The following L3MBTL4 variants were observed in gnomAD, a reference collection of about 807,000 sequenced individuals.
L3MBTL4 encodes the protein L3MBTL histone methyl-lysine binding protein 4.
A neutral mutation model predicts 84.5 loss-of-function variants in L3MBTL4; 70 were observed. The observed-to-expected ratio is 0.83, with a 90% CI of 0.68 to 1.01. The LOEUF is 1.01. L3MBTL4 is among the 50% of genes least tolerant of loss of function. The pLI is 0.00. For synonymous variants in L3MBTL4, 274 were observed against 259.8 expected (o/e 1.05, Z -0.52); for missense variants, 715 against 754.8 (o/e 0.95, Z 0.62).
chr18:6,111,286 T>A (rs1430084792), intron 14 of L3MBTL4, among the ~76,000 whole-genome samples: 1 of 152,206 alleles, frequency 6.6e-6, no homozygotes, highest in Non-Finnish European at 1.5e-5. Flanking sequence ...TGTGAATTCA[T>A]TAAAAACCAT....
At chr18:6,041,254 G>A (rs961050496) in intron 16 of L3MBTL4, among the ~76,000 whole-genome samples, 3 of 152,188 alleles carry the variant, frequency 2.0e-5, no homozygotes, top group Non-Finnish European at 4.4e-5. Context: ...GGAGCCAGCC[G>A]CTTCTGGATC....
chr18:6,298,456 G>A (rs922857078), intron 4 of L3MBTL4, among the ~76,000 whole-genome samples: 2 of 152,046 alleles, frequency 1.3e-5, no homozygotes, highest in Admixed American at 6.6e-5. Context: ...ATCTTTGCTA[G>A]TTTGTTGTTT....
chr18:6,039,518 G>C (rs1333372890), intron 16 of L3MBTL4, among the ~76,000 whole-genome samples: 1 of 152,162 alleles, frequency 6.6e-6, no homozygotes, highest in Non-Finnish European at 1.5e-5. Context: ...TAAGGAAAGA[G>C]TGCCCTAGAT....
chr18:6,339,456 A>T (rs1031713152), intron 1 of L3MBTL4, among the ~76,000 whole-genome samples: 1 of 152,246 alleles, frequency 6.6e-6, no homozygotes, highest in Admixed American at 6.5e-5. Flanking sequence ...TAATTCAGAT[A>T]TGATAAACCA....
rs146524739 is a variant in L3MBTL4, at chr18:6,094,502, C to A, written c.1200-974G>T. ...CATCATGAAATGGTAGCTGTTATTGCCATCATAGTGTTATCACCGGCTACA... is the reference window on the plus strand; with the variant it reads ...CATCATGAAATGGTAGCTGTTATTGACATCATAGTGTTATCACCGGCTACA... On this transcript the variant is annotated intron_variant, in intron 14 of 18. Coordinates refer to ENST00000317931, the MANE Select transcript of L3MBTL4 (RefSeq NM_001330559.2). 5.3e-5 allele frequency among the ~76,000 whole-genome samples: 8 copies of A among 152,164 alleles called. No homozygotes were observed. The East Asian group carries it at 1.5e-3, about 29-fold the overall frequency.
At chr18:6,254,230 A>T (rs1409312011) in intron 5 of L3MBTL4, among the ~76,000 whole-genome samples, 2 of 152,098 alleles carry the variant, frequency 1.3e-5, no homozygotes, top group Non-Finnish European at 2.9e-5. Flanking sequence ...CCAAAAACAG[A>T]TTAAGAGCCA....
At chr18:6,278,338 C>A (rs774685338) in intron 4 of L3MBTL4, among the ~76,000 whole-genome samples, 1 of 151,914 alleles carries the variant, frequency 6.6e-6, no homozygotes, top group African/African-American at 2.4e-5. Flanking sequence ...CATTACATGG[C>A]GAGTCATGTA....
At chr18:6,266,638 T>C (rs1454291153) in intron 4 of L3MBTL4, among the ~76,000 whole-genome samples, 1 of 152,138 alleles carries the variant, frequency 6.6e-6, no homozygotes, top group Admixed American at 6.5e-5. Context: ...CGTTAAAAAA[T>C]TTCTGGCCAG....
At chr18:6,028,799 G>T (rs1683822343) in intron 16 of L3MBTL4, among the ~76,000 whole-genome samples, 1 of 152,086 alleles carries the variant, frequency 6.6e-6, no homozygotes, top group Non-Finnish European at 1.5e-5. Flanking sequence ...ATTGTGAATG[G>T]GAGTTCACAG....
intron 17 of L3MBTL4, 37 bp downstream of exon 17, chr18:5,969,356 C>T: frequency 6.2e-7 from 1 of 1,610,716 alleles, no homozygotes; most frequent in African/African-American, 1.3e-5. Context: ...CAGCAGCAGG[C>T]ACACCCCAGC....
intron 1 of L3MBTL4, among the ~76,000 whole-genome samples, chr18:6,370,759 G>T (rs533339675): frequency 2.6e-4 from 40 of 152,192 alleles, no homozygotes; most frequent in Non-Finnish European, 4.4e-4. Flanking sequence ...ACTGTCCCCA[G>T]TTGACAGGGA....
At chr18:6,221,966 G>A (rs1270018865) in intron 10 of L3MBTL4, among the ~76,000 whole-genome samples, 1 of 152,226 alleles carries the variant, frequency 6.6e-6, no homozygotes, top group Admixed American at 6.5e-5. Context: ...GTCACTAATT[G>A]TCTTGTATGA....
chr18:5,994,307 T>C (rs1410002282), intron 16 of L3MBTL4, among the ~76,000 whole-genome samples: 1 of 152,192 alleles, frequency 6.6e-6, no homozygotes, highest in Non-Finnish European at 1.5e-5. Context: ...TCTCACTTAC[T>C]GCTATGTCTT....
At chr18:6,054,651 T>C (rs920348974) in intron 16 of L3MBTL4, among the ~76,000 whole-genome samples, 5 of 152,228 alleles carry the variant, frequency 3.3e-5, no homozygotes, top group African/African-American at 1.2e-4. Flanking sequence ...GCCTGGCACT[T>C]ATCTCAGCTG....
At chr18:6,382,065 T>C (rs1250967943) in intron 1 of L3MBTL4, among the ~76,000 whole-genome samples, 1 of 152,178 alleles carries the variant, frequency 6.6e-6, no homozygotes, top group East Asian at 1.9e-4. Flanking sequence ...TGTCTTCACA[T>C]TTTATTTCAT....
chr18:6,396,977 A>G lies in L3MBTL4; in HGVS notation c.-91+17824T>C, dbSNP rs146223346. ...TTTCTTTATTCAGTCAAACAAGTAA[A>G]CGTTTTAAGTGTAAAAATAGATGTT... On this transcript the variant is annotated intron_variant, in intron 1 of 18. Transcript: ENST00000317931. 275 of 152,306 alleles carry G rather than the reference A, an allele frequency of 1.8e-3. 1 individual carries two copies. The highest frequency in any genetic ancestry group is 6.4e-3 in the African/African-American group (264 of 41,574). The allele number at this position is 152,306 out of a possible 1,614,324, so 9.4% of individuals were successfully genotyped here.
intron 14 of L3MBTL4, among the ~76,000 whole-genome samples, chr18:6,124,165 G>A (rs775962994): frequency 6.6e-6 from 1 of 152,140 alleles, no homozygotes. Flanking sequence ...TATTCAGAGG[G>A]ACAGGACGAA....
chr18:6,080,937 G>A lies in L3MBTL4; in HGVS notation c.1388C>T (p.Ala463Val), dbSNP rs367612058. The part of the protein sequence containing the change: ...VNSQPRLVQQ[A>V]KCLKIKGKED... ...TTTTCCTTTGATTTTCAAACACTTTGCCTGCTGTACAAGTCTGGGCAAAGA... is the reference window on the plus strand; with the variant it reads ...TTTTCCTTTGATTTTCAAACACTTTACCTGCTGTACAAGTCTGGGCAAAGA... Residue 463 changes from alanine to valine, a missense_variant, in exon 16 of 19, where the codon GCA (alanine) becomes GTA (valine). Transcript: ENST00000317931. 1.2e-6 allele frequency: 2 copies of A among 1,605,512 alleles called. No homozygotes were observed. The highest frequency in any genetic ancestry group is 2.7e-5 in the African/African-American group (2 of 74,816).
chr18:5,956,298 G>A lies in L3MBTL4; in HGVS notation c.1767C>T (p.Tyr589=). Residue 589 remains tyrosine, a synonymous_variant, in exon 19 of 19, where the codon TAC becomes TAT. Coordinates refer to ENST00000317931, the MANE Select transcript of L3MBTL4 (RefSeq NM_001330559.2). The part of the protein sequence containing the change: ...KIKLGPALKI[Y]NSILMFRHSQ... Reference sequence around the variant, plus strand: ...AATGCCTGAACATCAGGATAGAGTTGTAAATCTTCAGTGCTGGGCCCAGTT... The same window carrying A: ...AATGCCTGAACATCAGGATAGAGTTATAAATCTTCAGTGCTGGGCCCAGTT... 1 of 1,614,078 alleles carries A rather than the reference G, an allele frequency of 6.2e-7. No homozygotes were observed. The highest frequency in any genetic ancestry group is 8.5e-7 in the Non-Finnish European group (1 of 1,179,948).
Sources: allele counts gnomAD v4.1 joint callset (sites outside exome capture counted in the v4.1 genomes callset), GRCh38; gene constraint gnomAD v4.1.1; transcripts MANE v1.5; gene names NCBI Gene and HGNC (gene_info 2026-07-23, HGNC 2026-07-21).